Variants in ZNF587 observed in about 807,000 individuals in gnomAD.
ZNF587 encodes the protein zinc finger protein zfp6.
In ZNF587, 8 loss-of-function variants were observed where a neutral mutation model predicts 7.5. The ratio of observed to expected loss-of-function variants is 1.06; its 90% CI spans 0.62 to 1.92. The LOEUF (loss-of-function observed/expected upper bound fraction) is 1.92. ZNF587 is among the 40% of genes most tolerant of loss of function. ZNF587 has a pLI of 0.00. For synonymous variants in ZNF587, 145 were observed against 237.8 expected (o/e 0.61, Z 3.59); for missense variants, 468 against 692.8 (o/e 0.68, Z 3.64).
rs1211063525 is a variant in ZNF587, at chr19:57,862,733, C to T, written c.*2593C>T. On this transcript the variant is annotated 3_prime_UTR_variant, in exon 3 of 3. Transcript: ENST00000339656. ...CCAATCAGAAGAAGATTATCTGGGA[C>T]ACTGATACTGACAGGGAGATGGGAC... 3 of 155,024 alleles carry T rather than the reference C, an allele frequency of 1.9e-5. No individual in the cohort carries two copies. The highest frequency in any genetic ancestry group is 2.9e-5 in the Non-Finnish European group (2 of 68,226). The allele number at this position is 155,024 out of a possible 1,614,324, so 9.6% of individuals were successfully genotyped here. A position where few individuals can be genotyped will look rare whatever the true frequency, so the allele number is the denominator to read the frequency against.
Position 57,860,290 on chromosome 19 carries a change from A to G in ZNF587, c.*150A>G, listed in dbSNP as rs1169553428. 4.1e-6 allele frequency: 6 copies of G among 1,462,894 alleles called. No individual in the cohort carries two copies. The highest frequency in any genetic ancestry group is 4.7e-6 in the Non-Finnish European group (5 of 1,069,382). The allele number at this position is 1,462,894 out of a possible 1,614,324, so 90.6% of individuals were successfully genotyped here. ...CGGTCTTAAGCGACTTCGTGTTGAG[A>G]TGGAGTCTTGTTCTGTCACCCAGGC... On this transcript the variant is annotated 3_prime_UTR_variant, in exon 3 of 3. Transcript: ENST00000339656.
intron 1 of ZNF587, chr19:57,850,774 C>A: frequency 2.6e-6 from 1 of 391,212 alleles, no homozygotes; most frequent in Non-Finnish European, 4.5e-6. Context: ...GCTCTTTGTT[C>A]TTATGGCTGA....
intron 1 of ZNF587, chr19:57,852,515 A>T (rs1600118311): frequency 2.5e-6 from 1 of 397,336 alleles, no homozygotes; most frequent in South Asian, 1.3e-4. Context: ...TTTTGTAAAG[A>T]GACAGCTAGG....
Position 57,850,018 on chromosome 19 carries a change from C to T in ZNF587, c.-21C>T, listed in dbSNP as rs1271755857. On this transcript the variant is annotated 5_prime_UTR_variant, in exon 1 of 3. Transcript: ENST00000339656. ...GTGACGGCGACCACTGCTCCCGGGC[C>T]GTGCTTCCCCAAGTAGTCCGATGGC... The T allele has an allele frequency of 2.5e-6, 4 of 1,614,224 alleles. No homozygotes were observed. The highest frequency in any genetic ancestry group is 1.3e-5 in the African/African-American group (1 of 75,074).
chr19:57,852,626 C>T (rs1440080981), intron 1 of ZNF587, among the ~76,000 whole-genome samples: 1 of 151,774 alleles, frequency 6.6e-6, no homozygotes, highest in Non-Finnish European at 1.5e-5. Context: ...CTCCCAGGTT[C>T]AAGCAATTCT....
Position 57,860,308 on chromosome 19 carries a change from AC to A in ZNF587, c.*171del. The A allele has an allele frequency of 7.3e-7, 1 of 1,365,160 alleles. No individual in the cohort carries two copies. Among genetic ancestry groups the A allele is most frequent in the Non-Finnish European group, 1.0e-6 (1 of 993,826 alleles). 84.6% of individuals were successfully genotyped at this position (1,365,160 alleles called of 1,614,324 possible). On this transcript the variant is annotated 3_prime_UTR_variant, in exon 3 of 3. Transcript: ENST00000339656. The stretch of plus-strand genomic sequence containing the variant: ...TGTTGAGATGGAGTCTTGTTCTGTC[AC>A]CCAGGCTGGAGTGCAGTGGTGCAGT...
chr19:57,863,591 T>C lies in ZNF587; in HGVS notation c.*3451T>C, dbSNP rs1469818438. 1.3e-5 allele frequency: 2 copies of C among 152,200 alleles called. No homozygotes were observed. The highest frequency in any genetic ancestry group is 4.8e-5 in the African/African-American group (2 of 41,452). 9.4% of individuals were successfully genotyped at this position (152,200 alleles called of 1,614,324 possible). ...ACATTTTTTAGATATGTATTTGTGTTTTTTGGGGAGCTTAATTTGCTAATG... is the reference window on the plus strand; with the variant it reads ...ACATTTTTTAGATATGTATTTGTGTCTTTTGGGGAGCTTAATTTGCTAATG... On this transcript the variant is annotated 3_prime_UTR_variant, in exon 3 of 3. Transcript: ENST00000339656.
At chr19:57,850,314 CTGCTG>C (rs1253560907) in intron 1 of ZNF587, 53 of 653,692 alleles carry the variant, frequency 8.1e-5, no homozygotes, top group Non-Finnish European at 1.3e-4. Flanking sequence ...CAGAGCCGTC[CTGCTG>C]TTCGGGAGAC....
intron 2 of ZNF587, among the ~76,000 whole-genome samples, chr19:57,856,498 C>T (rs924872200): frequency 6.6e-6 from 1 of 151,732 alleles, no homozygotes; most frequent in Non-Finnish European, 1.5e-5. Flanking sequence ...AGCTCCACCT[C>T]CCGGGTTCAT....
At chr19:57,850,663 G>A (rs1278271576) in intron 1 of ZNF587, 1 of 398,612 alleles carries the variant, frequency 2.5e-6, no homozygotes, top group African/African-American at 2.1e-5. Flanking sequence ...GTTAGAAAGA[G>A]ACAGAATACG....
chr19:57,858,275 C>T, intron 2 of ZNF587: 1 of 390,834 alleles, frequency 2.6e-6, no homozygotes, highest in Non-Finnish European at 4.6e-6. Context: ...TACAGGTGTC[C>T]ACAACCACAT....
At chr19:57,850,769 T>C in intron 1 of ZNF587, 1 of 392,670 alleles carries the variant, frequency 2.5e-6, no homozygotes, top group Non-Finnish European at 4.5e-6. Flanking sequence ...TACAAGCTCT[T>C]TGTTCTTATG....
At position 57,862,495 on chromosome 19, in the gene ZNF587, CTAGAGA is replaced by C. The variant is rs1304383843; in HGVS notation, c.*2358_*2363del. The C allele has an allele frequency of 6.5e-6, 1 of 154,282 alleles. No homozygotes were observed. The highest frequency in any genetic ancestry group is 6.5e-5 in the Admixed American group (1 of 15,302). The allele number at this position is 154,282 out of a possible 1,614,324, so 9.6% of individuals were successfully genotyped here. On this transcript the variant is annotated 3_prime_UTR_variant, in exon 3 of 3. Coordinates refer to ENST00000339656, the MANE Select transcript of ZNF587 (RefSeq NM_032828.4). ...TAATTTCCTCACTCCAAGCTCTTTT[CTAGAGA>C]TAATCTCCAGTCCCTGTGCAGAAAC... is the stretch of plus-strand genomic sequence containing the variant.
At position 57,859,873 on chromosome 19, in the gene ZNF587, T is replaced by C. The variant is rs1174290318; in HGVS notation, c.1461T>C (p.Thr487=). 1.2e-6 allele frequency: 2 copies of C among 1,614,186 alleles called. No homozygotes were observed. Among genetic ancestry groups the C allele is most frequent in the South Asian group, 1.1e-5 (1 of 91,076 alleles). The stretch of plus-strand genomic sequence containing the variant: ...TGACTATACATCAGAGGATTCACAC[T>C]GGAGAAAGGCCGTATGAATGCAGTG... ...HSVTIHQRIH[T]GERPYECSEC... is the part of the protein sequence containing the mutation. The change falls in exon 3 of 3, where the codon ACT becomes ACC. Residue 487 remains threonine, a synonymous_variant. Coordinates refer to ENST00000339656, the MANE Select transcript of ZNF587 (RefSeq NM_032828.4).
chr19:57,859,693 G>A lies in ZNF587; in HGVS notation c.1281G>A (p.Gln427=), dbSNP rs534981021. 5.6e-6 allele frequency: 9 copies of A among 1,613,870 alleles called. No homozygotes were observed. The highest frequency in any genetic ancestry group is 7.6e-6 in the Non-Finnish European group (9 of 1,179,998). ...ACAGATCCCACCTCACTGAACACCAGAGACTTCACACTGGGGAAAGACCTT... is the reference window on the plus strand; with the variant it reads ...ACAGATCCCACCTCACTGAACACCAAAGACTTCACACTGGGGAAAGACCTT... ...FRYRSHLTEH[Q]RLHTGERPYN... Residue 427 remains glutamine, a synonymous_variant, in exon 3 of 3, where the codon CAG becomes CAA. Coordinates refer to ENST00000339656, the MANE Select transcript of ZNF587 (RefSeq NM_032828.4).
intron 2 of ZNF587, chr19:57,858,209 C>A: frequency 3.8e-6 from 1 of 264,186 alleles, no homozygotes; most frequent in Non-Finnish European, 7.3e-6. Flanking sequence ...CACTACAAAC[C>A]TCTGCCTTCT....
intron 1 of ZNF587, among the ~76,000 whole-genome samples, chr19:57,855,025 A>T (rs1160868051): frequency 1.3e-5 from 2 of 151,726 alleles, no homozygotes; most frequent in Non-Finnish European, 2.9e-5. Flanking sequence ...AAAAAAAAAA[A>T]TACAAAAAAT....
In ZNF587 at chr19:57,863,532, A is replaced by G. The variant is rs1206184963; in HGVS notation, c.*3392A>G. On this transcript the variant is annotated 3_prime_UTR_variant, in exon 3 of 3. Coordinates refer to ENST00000339656, the MANE Select transcript of ZNF587 (RefSeq NM_032828.4). ...CCAAAGTGCTGGGATTATAGGCGTG[A>G]GCCAACACGCCCTGGCCACTTCTTG... The G allele has an allele frequency of 6.6e-6, 1 of 152,146 alleles. No homozygotes were observed. The highest frequency in any genetic ancestry group is 2.4e-5 in the African/African-American group (1 of 41,432). The allele number at this position is 152,146 out of a possible 1,614,324, so 9.4% of individuals were successfully genotyped here. A position where few individuals can be genotyped will look rare whatever the true frequency, so the allele number is the denominator to read the frequency against.
In ZNF587 at chr19:57,858,599, G is replaced by A. The variant is rs1398656359; in HGVS notation, c.187G>A (p.Glu63Lys). ...AGGTTGTTGGTGTGGATCAAAAGAT[G>A]AGGAGGCACCTTGTAAGCAGAGAAT... ...SLGCWCGSKDEEAPCKQRISV... is the reference protein window; with the variant it reads ...SLGCWCGSKDKEAPCKQRISV... Residue 63 changes from glutamate to lysine, a missense_variant, in exon 3 of 3, where the codon GAG becomes AAG. This residue lies in a region of ZNF587 where 92 missense variants were observed against 89.7 expected (regional missense o/e 1.03). Transcript: ENST00000339656. 6 of 1,595,596 alleles carry A rather than the reference G, an allele frequency of 3.8e-6. No homozygotes were observed. Among genetic ancestry groups the A allele is most frequent in the Non-Finnish European group, 5.1e-6 (6 of 1,170,576 alleles).
Sources: allele counts gnomAD v4.1 joint callset (sites outside exome capture counted in the v4.1 genomes callset), GRCh38; gene constraint gnomAD v4.1.1; regional missense constraint gnomAD v4.1.1; transcripts MANE v1.5; gene names NCBI Gene and HGNC (gene_info 2026-07-23, HGNC 2026-07-21).